Variants in ACSL4 observed in about 807,000 individuals in gnomAD.
ACSL4 encodes the protein long-chain-fatty-acid--CoA ligase 4.
A neutral mutation model predicts 49.1 loss-of-function variants in ACSL4; 9 were observed. The ratio of observed to expected loss-of-function variants is 0.18; its 90% CI spans 0.11 to 0.32. The LOEUF (loss-of-function observed/expected upper bound fraction) is 0.32, where lower values mean the gene tolerates loss of function less well. ACSL4 is among the 10% of genes least tolerant of loss of function. The pLI, the probability that ACSL4 is intolerant of heterozygous loss-of-function variation, is 1.00. For missense variants in ACSL4, 333 were observed against 493.7 expected (o/e 0.67, Z 3.08); for synonymous variants, 191 against 170.3 (o/e 1.12, Z -0.95).
intron 3 of ACSL4, 101 bp downstream of exon 3, chrX:109,683,035 C>T: frequency 9.7e-7 from 1 of 1,034,256 alleles, no homozygotes; most frequent in Non-Finnish European, 1.3e-6. Flanking sequence ...TTACACAGCA[C>T]TATAATAGAA....
chrX:109,731,979 C>T (rs1380684240), intron 1 of ACSL4, among the ~76,000 whole-genome samples: 2 of 112,305 alleles, frequency 1.8e-5, no homozygotes, highest in African/African-American at 6.5e-5. Context: ...AGGTGACAAG[C>T]GACTATGAGA....
intron 10 of ACSL4, 62 bp downstream of exon 10, chrX:109,668,972 T>C (rs1922921524): frequency 2.0e-6 from 2 of 997,611 alleles, no homozygotes; most frequent in African/African-American, 3.8e-5. Flanking sequence ...ATTCATCTTC[T>C]GGATTTAAAA....
At chrX:109,732,895 G>A (rs1928584573) in intron 1 of ACSL4, 1 of 255,548 alleles carries the variant, frequency 3.9e-6, no homozygotes, top group Non-Finnish European at 7.4e-6. Flanking sequence ...GGGGTTCCGA[G>A]GACCCCAGAG....
At chrX:109,650,258 C>A (rs1934958811) in intron 15 of ACSL4, among the ~76,000 whole-genome samples, 1 of 110,562 alleles carries the variant, frequency 9.0e-6, no homozygotes, top group Non-Finnish European at 1.9e-5. Flanking sequence ...TTCACAATAG[C>A]AAAGACTTGG....
At chrX:109,691,024 C>T (rs921406554) in intron 2 of ACSL4, among the ~76,000 whole-genome samples, 2 of 110,898 alleles carry the variant, frequency 1.8e-5, no homozygotes, top group African/African-American at 6.6e-5. Flanking sequence ...TGACACAACA[C>T]CAATTTGAGA....
rs1569429176 is a variant in ACSL4 at position 109,683,201 on chromosome X, G to C, written c.163C>G (p.Leu55Val). 8.3e-7 allele frequency: 1 copy of C among 1,211,749 alleles called. No homozygotes were observed. The highest frequency in any genetic ancestry group is 1.8e-5 in the South Asian group (1 of 57,004). The change falls in exon 3 of 16, where the codon CTT becomes GTT. Residue 55 changes from leucine (L) to valine (V), a missense_variant. This residue lies in a region of ACSL4 where 157 missense variants were observed against 201.1 expected (regional missense o/e 0.78). Coordinates refer to ENST00000672401, the MANE Select transcript of ACSL4 (RefSeq NM_001318510.2). ...AVSKFGKKDS[L>V]GTREILSEEN... ...TCACTTAGGATTTCCCTGGTCCCAA[G>C]GCTGTCCTTCTTCCCAAACTTGGAT...
intron 2 of ACSL4, among the ~76,000 whole-genome samples, chrX:109,684,334 T>A (rs1924419559): frequency 8.9e-6 from 1 of 112,991 alleles, no homozygotes; most frequent in South Asian, 3.6e-4. Flanking sequence ...TGAAGTAGTA[T>A]TAATTCCTGG....
chrX:109,732,966 G>A lies in ACSL4; in HGVS notation c.-66+173C>T, dbSNP rs1390174267. 6.8e-5 allele frequency: 22 copies of A among 322,130 alleles called. No homozygotes were observed. In the East Asian group the frequency reaches 8.2e-4, roughly 12 times the overall value. The allele number at this position is 322,130 out of a possible 1,213,427, so 26.5% of individuals were successfully genotyped here. The stretch of plus-strand genomic sequence containing the variant: ...CTTCCCGGCCCCAGCGGAGGCGAGC[G>A]GATAGATAGCCCTGGCTCAAGGAAA... On this transcript the variant is annotated intron_variant, in intron 1 of 15. Transcript: ENST00000672401.
rs1464048546 is a variant in ACSL4 at position 109,649,621 on chromosome X, G to A, written c.1856-5435C>T. On this transcript the variant is annotated intron_variant, in intron 15 of 15. Coordinates refer to ENST00000672401, the MANE Select transcript of ACSL4 (RefSeq NM_001318510.2). ...CATTCAGGACATAGGCATGGGCAAG[G>A]ACTTCATGTCTAAAACACCAAAAGC... 2.7e-5 allele frequency among the ~76,000 whole-genome samples: 3 copies of A among 111,334 alleles called. No homozygotes were observed. The East Asian group carries it at 8.4e-4, about 31-fold the overall frequency.
chrX:109,668,889 C>A, intron 10 of ACSL4, 145 bp downstream of exon 10: 1 of 464,757 alleles, frequency 2.2e-6, no homozygotes, highest in Non-Finnish European at 3.5e-6. Context: ...AACAATAAGA[C>A]TTAGAATAAA....
rs766692825 is a variant in ACSL4 at position 109,682,690 on chromosome X, T to TC, written c.406+28dup. ...TCACATGCAAGCAAAGACCCTCCTC[T>TC]CCCCCCTCCAAAAACACAAGGCACT... On this transcript the variant is annotated intron_variant, in intron 4 of 15. Transcript: ENST00000672401. 5.0e-6 allele frequency: 6 copies of TC among 1,204,730 alleles called. No individual in the cohort carries two copies. In the African/African-American group the frequency reaches 5.3e-5, roughly 11 times the overall value.
At chrX:109,708,144 CCA>C (rs1405933151) in intron 1 of ACSL4, among the ~76,000 whole-genome samples, 1 of 111,868 alleles carries the variant, frequency 8.9e-6, no homozygotes, top group Non-Finnish European at 1.9e-5. Context: ...CAGGGTTTCA[CCA>C]CATTGCCCAG....
At chrX:109,665,019 T>C (rs1207825533) in intron 12 of ACSL4, among the ~76,000 whole-genome samples, 1 of 111,545 alleles carries the variant, frequency 9.0e-6, no homozygotes, top group Non-Finnish European at 1.9e-5. Flanking sequence ...ATGAAAATCT[T>C]TTCTGGGATC....
In ACSL4 at chrX:109,712,509, A is replaced by G. The variant is rs1380294345; in HGVS notation, c.-65-16313T>C. Reference sequence around the variant, plus strand: ...TGTGTTCAGTGTGTTTACACTTACTATTTCACATCCTATATTCCAAAGCTT... The same window carrying G: ...TGTGTTCAGTGTGTTTACACTTACTGTTTCACATCCTATATTCCAAAGCTT... On this transcript the variant is annotated intron_variant, in intron 1 of 15. Coordinates refer to ENST00000672401, the MANE Select transcript of ACSL4 (RefSeq NM_001318510.2). 3.6e-5 allele frequency among the ~76,000 whole-genome samples: 4 copies of G among 112,288 alleles called. No homozygotes were observed. The East Asian group carries it at 8.3e-4, about 23-fold the overall frequency.
intron 15 of ACSL4, among the ~76,000 whole-genome samples, chrX:109,649,313 G>A (rs977688604): frequency 1.7e-4 from 19 of 111,545 alleles, no homozygotes; most frequent in Non-Finnish European, 3.8e-5. Context: ...GCATGGTACT[G>A]GTACCAACAC....
intron 1 of ACSL4, among the ~76,000 whole-genome samples, chrX:109,697,030 G>A (rs1300820837): frequency 9.0e-6 from 1 of 111,040 alleles, no homozygotes; most frequent in African/African-American, 3.3e-5. Flanking sequence ...TGCAACCAGA[G>A]TGAGACCCTG....
At chrX:109,654,729 T>C (rs1045490131) in intron 15 of ACSL4, among the ~76,000 whole-genome samples, 2 of 112,187 alleles carry the variant, frequency 1.8e-5, no homozygotes, top group Non-Finnish European at 3.8e-5. Flanking sequence ...AGCCTGTGCC[T>C]CTGAAGATAA....
chrX:109,674,319 G>C, intron 9 of ACSL4, 83 bp downstream of exon 9: 1 of 757,847 alleles, frequency 1.3e-6, no homozygotes, highest in Admixed American at 2.3e-5. Context: ...ATATCTAAGA[G>C]TATTACTTTT....
chrX:109,688,010 T>C (rs1443186538), intron 2 of ACSL4, among the ~76,000 whole-genome samples: 1 of 111,531 alleles, frequency 9.0e-6, no homozygotes, highest in African/African-American at 3.3e-5. Context: ...CACTTTAAAC[T>C]TGTGATTGCT....
Sources: allele counts gnomAD v4.1 joint callset (sites outside exome capture counted in the v4.1 genomes callset), GRCh38; gene constraint gnomAD v4.1.1; regional missense constraint gnomAD v4.1.1; transcripts MANE v1.5; gene names NCBI Gene and HGNC (gene_info 2026-07-23, HGNC 2026-07-21).